The following ROR2 variants were observed in gnomAD, a reference collection of about 807,000 sequenced individuals.
The protein encoded by ROR2 is ROR family WNT receptor 2, also known as tyrosine-protein kinase transmembrane receptor ROR2.
Under a neutral mutation model 74.9 loss-of-function variants are expected in ROR2, and 33 were observed. That is an observed-to-expected ratio of 0.44 (90% CI 0.33 to 0.59). The LOEUF (loss-of-function observed/expected upper bound fraction) is 0.59. ROR2 is among the 20% of genes least tolerant of loss of function. The pLI is 0.02. For synonymous variants in ROR2, 586 were observed against 558.7 expected, an observed-to-expected ratio of 1.05 and a Z score of -0.69; for missense variants, 1,216 against 1,313.8, an observed-to-expected ratio of 0.93 and a Z score of 1.15.
At chr9:91,779,474 G>A (rs1269184726) in intron 1 of ROR2, among the ~76,000 whole-genome samples, 3 of 150,810 alleles carry the variant, frequency 2.0e-5, no homozygotes, top group Admixed American at 6.6e-5. Flanking sequence ...GGGTCCAAGC[G>A]ATTCTCCTGC....
At chr9:91,787,137 G>C (rs1826830979) in intron 1 of ROR2, among the ~76,000 whole-genome samples, 1 of 152,200 alleles carries the variant, frequency 6.6e-6, no homozygotes. Context: ...GGCATGTATG[G>C]AAAGGAAATG....
rs904488808 is a variant in ROR2, at chr9:91,741,020, G to A, written c.495-3502C>T. Among the ~76,000 whole-genome samples, 7 of 152,066 alleles carry A rather than the reference G, an allele frequency of 4.6e-5. No homozygotes were observed. In the East Asian group the frequency reaches 7.7e-4, roughly 17 times the overall value. On this transcript the variant is annotated intron_variant, in intron 4 of 8. Coordinates refer to ENST00000375708, the MANE Select transcript of ROR2 (RefSeq NM_004560.4). ...AGAGGGTGCTAAATAAAGACAACTC[G>A]GCCGGGTGCGGTGGCTCACGCCTGT...
chr9:91,757,131 G>A, intron 3 of ROR2, 141 bp downstream of exon 3: 1 of 1,080,978 alleles, frequency 9.3e-7, no homozygotes, highest in Non-Finnish European at 1.4e-6. Flanking sequence ...GGCACATGGG[G>A]AAGGCCCTAG....
intron 1 of ROR2, among the ~76,000 whole-genome samples, chr9:91,797,722 C>A (rs1587728125): frequency 1.5e-5 from 1 of 68,548 alleles, no homozygotes; most frequent in African/African-American, 8.3e-5. Flanking sequence ...GTGGGTGGGG[C>A]TGACACCCTG....
intron 1 of ROR2, among the ~76,000 whole-genome samples, chr9:91,829,536 C>A (rs181717814): frequency 4.0e-4 from 45 of 113,822 alleles, no homozygotes; most frequent in African/African-American, 1.5e-3. Flanking sequence ...GGTGACACAG[C>A]GAGACTCCGT....
intron 1 of ROR2, among the ~76,000 whole-genome samples, chr9:91,904,053 G>C (rs925117577): frequency 9.2e-5 from 7 of 76,372 alleles, no homozygotes; most frequent in Admixed American, 2.1e-4. Context: ...TTTTTTTTTG[G>C]GGGGGGGGAC....
intron 8 of ROR2, among the ~76,000 whole-genome samples, chr9:91,726,318 T>C (rs1474670705): frequency 6.6e-6 from 1 of 152,056 alleles, no homozygotes; most frequent in Non-Finnish European, 1.5e-5. Flanking sequence ...AGGAGGCCCA[T>C]GGACTCTGGG....
At chr9:91,796,354 G>GTC (rs969802319) in intron 1 of ROR2, among the ~76,000 whole-genome samples, 12 of 150,454 alleles carry the variant, frequency 8.0e-5, no homozygotes, top group African/African-American at 2.9e-4. Context: ...GACTGCTTGA[G>GTC]TCTGGGAGGT....
intron 1 of ROR2, among the ~76,000 whole-genome samples, chr9:91,821,901 T>G (rs1380377353): frequency 6.6e-6 from 1 of 152,200 alleles, no homozygotes; most frequent in Non-Finnish European, 1.5e-5. Flanking sequence ...CAAGGCTTCC[T>G]ATTTCTTGGA....
chr9:91,915,216 G>C (rs1235563260), intron 1 of ROR2, among the ~76,000 whole-genome samples: 1 of 152,178 alleles, frequency 6.6e-6, no homozygotes, highest in Non-Finnish European at 1.5e-5. Flanking sequence ...GGACCGTGAA[G>C]GGAACTGAGG....
intron 1 of ROR2, among the ~76,000 whole-genome samples, chr9:91,869,009 A>G (rs918234550): frequency 1.6e-4 from 24 of 152,218 alleles, no homozygotes; most frequent in Admixed American, 7.9e-4. Flanking sequence ...GGTATTCACC[A>G]TAGAGAGAGG....
At chr9:91,871,828 T>A (rs1416884688) in intron 1 of ROR2, among the ~76,000 whole-genome samples, 1 of 152,138 alleles carries the variant, frequency 6.6e-6, no homozygotes, top group Non-Finnish European at 1.5e-5. Context: ...TATGGGTTCT[T>A]GGGTCGAGAG....
At chr9:91,781,217 C>T (rs961111398) in intron 1 of ROR2, among the ~76,000 whole-genome samples, 2 of 152,150 alleles carry the variant, frequency 1.3e-5, no homozygotes, top group East Asian at 1.9e-4. Flanking sequence ...ACAGAAGTCA[C>T]GGCAGGGAAA....
chr9:91,820,381 A>G (rs1828100310), intron 1 of ROR2, among the ~76,000 whole-genome samples: 1 of 152,162 alleles, frequency 6.6e-6, no homozygotes, highest in Non-Finnish European at 1.5e-5. Context: ...GACCAATGGA[A>G]GCAGAATTCA....
intron 1 of ROR2, among the ~76,000 whole-genome samples, chr9:91,794,333 G>C (rs1827100710): frequency 6.6e-6 from 1 of 152,168 alleles, no homozygotes; most frequent in African/African-American, 2.4e-5. Flanking sequence ...TGAATTAATT[G>C]TCACACTTCA....
intron 1 of ROR2, among the ~76,000 whole-genome samples, chr9:91,845,003 C>T (rs533038502): frequency 1.3e-5 from 2 of 152,308 alleles, no homozygotes; most frequent in Admixed American, 1.3e-4. Flanking sequence ...AAAATGCATT[C>T]ATGACACAGT....
At chr9:91,902,543 G>A (rs1830701960) in intron 1 of ROR2, among the ~76,000 whole-genome samples, 2 of 152,064 alleles carry the variant, frequency 1.3e-5, no homozygotes, top group Non-Finnish European at 2.9e-5. Flanking sequence ...AACTGCCAAG[G>A]ATCTCCGTTA....
At chr9:91,809,320 G>A (rs1461687443) in intron 1 of ROR2, among the ~76,000 whole-genome samples, 1 of 152,212 alleles carries the variant, frequency 6.6e-6, no homozygotes, top group Non-Finnish European at 1.5e-5. Context: ...TCAGTACACA[G>A]TTGAGACTCC....
At chr9:91,735,126 T>C (rs970048721) in intron 5 of ROR2, among the ~76,000 whole-genome samples, 9 of 152,236 alleles carry the variant, frequency 5.9e-5, no homozygotes, top group African/African-American at 2.2e-4. Flanking sequence ...CTGATCTTTA[T>C]AGGATTTCTC....
Sources: gnomAD v4.1 joint callset for allele counts (sites outside exome capture counted in the v4.1 genomes callset) on GRCh38, gnomAD v4.1.1 for gene constraint, MANE v1.5 for transcripts, NCBI Gene and HGNC (gene_info 2026-07-23, HGNC 2026-07-21) for gene names.